The following CMSS1 variants were observed in gnomAD, a reference collection of about 807,000 sequenced individuals.
CMSS1 encodes the protein cms1 ribosomal small subunit homolog, also known as protein CMSS1.
CMSS1 carries 33 observed loss-of-function variants against 43.5 expected under a neutral mutation model. That is an observed-to-expected ratio of 0.76 (90% CI 0.57 to 1.01). CMSS1 has a LOEUF of 1.01. Among genes scored for constraint, CMSS1 ranks in the 50% least tolerant of loss-of-function variants. CMSS1 has a pLI of 0.00. For synonymous variants in CMSS1, 115 were observed against 117.2 expected (o/e 0.98, Z 0.12); for missense variants, 313 against 326.4 (o/e 0.96, Z 0.32).
intron 1 of CMSS1, among the ~76,000 whole-genome samples, chr3:99,932,544 T>G (rs577934937): frequency 1.3e-5 from 2 of 152,310 alleles, no homozygotes; most frequent in East Asian, 3.9e-4. Context: ...TTTTTTCCCT[T>G]GTGTTAGGTG....
chr3:100,153,014 A>G (rs1003876098), intron 2 of CMSS1, among the ~76,000 whole-genome samples: 13 of 152,242 alleles, frequency 8.5e-5, no homozygotes, highest in Non-Finnish European at 1.9e-4. Context: ...AATGTTTAAT[A>G]TTTATCTTAA....
chr3:100,138,947 G>T (rs1284335769), intron 1 of CMSS1, among the ~76,000 whole-genome samples: 1 of 152,132 alleles, frequency 6.6e-6, no homozygotes, highest in African/African-American at 2.4e-5. Context: ...CAACCCAAAT[G>T]CCCATTGATG....
intron 1 of CMSS1, among the ~76,000 whole-genome samples, chr3:100,014,895 C>CTTT (rs1233573719): frequency 2.4e-3 from 61 of 25,012 alleles, no homozygotes; most frequent in Middle Eastern, 0.038. Flanking sequence ...TTCTTTCTTT[C>CTTT]TTTTTTTTTT....
At chr3:100,085,091 G>A (rs189359489) in intron 1 of CMSS1, among the ~76,000 whole-genome samples, 2 of 152,276 alleles carry the variant, frequency 1.3e-5, no homozygotes, top group Non-Finnish European at 2.9e-5. Context: ...CCCCTAAAGT[G>A]GTGGTTTCCA....
intron 1 of CMSS1, among the ~76,000 whole-genome samples, chr3:99,984,041 G>A (rs918228945): frequency 6.3e-4 from 10 of 15,928 alleles, no homozygotes; most frequent in African/African-American, 3.5e-3. Context: ...CATGAAAAAG[G>A]ATGTATATGT....
rs6808420 is a variant in CMSS1, at chr3:99,882,073, A to T, written c.64+64030A>T. Among the ~76,000 whole-genome samples the T allele has an allele frequency of 4.5e-3, 689 of 152,320 alleles. 7 individuals carry two copies. Among genetic ancestry groups the T allele is most frequent in the African/African-American group, 0.016 (675 of 41,562 alleles). ...TTATATGTTTTCTTTTATCTTTGGA[A>T]CTCAAATAGAGCAATTCCTGAGCAT... On this transcript the variant is annotated intron_variant, in intron 1 of 9. Transcript: ENST00000421999.
At chr3:99,988,511 C>CAAAAAAAAAAA (rs757175318) in intron 1 of CMSS1, among the ~76,000 whole-genome samples, 4 of 47,796 alleles carry the variant, frequency 8.4e-5, no homozygotes, top group Admixed American at 2.9e-4. Context: ...GACTCCATCT[C>CAAAAAAAAAAA]AAAAAAAAAA....
intron 1 of CMSS1, among the ~76,000 whole-genome samples, chr3:100,077,619 T>G (rs1047623357): frequency 6.6e-6 from 1 of 152,006 alleles, no homozygotes; most frequent in Non-Finnish European, 1.5e-5. Context: ...TGAGATAAAT[T>G]CAGTAAAAAT....
intron 1 of CMSS1, among the ~76,000 whole-genome samples, chr3:100,024,821 A>G (rs2064889215): frequency 1.3e-5 from 2 of 152,140 alleles, no homozygotes; most frequent in South Asian, 2.1e-4. Context: ...GAGGGGGTCC[A>G]GGGTGGTTAC....
chr3:99,897,972 A>G (rs1706312979), intron 1 of CMSS1, among the ~76,000 whole-genome samples: 1 of 152,212 alleles, frequency 6.6e-6, no homozygotes. Flanking sequence ...AAGAAAAGAT[A>G]TCCTACCTCC....
In CMSS1 at chr3:99,985,169, C is replaced by G. The variant is rs144109412; in HGVS notation, c.65-161804C>G. Among the ~76,000 whole-genome samples the G allele has an allele frequency of 4.5e-3, 687 of 152,106 alleles. 7 individuals carry two copies. Among genetic ancestry groups the G allele is most frequent in the African/African-American group, 0.016 (673 of 41,490 alleles). ...AAGAGAAGATTGAACAAAAAATCAT[C>G]CTAGGGGGTCAAAGGTTGTTTTAAA... On this transcript the variant is annotated intron_variant, in intron 1 of 9. Transcript: ENST00000421999.
At chr3:99,982,862 A>T (rs146904196) in intron 1 of CMSS1, among the ~76,000 whole-genome samples, 1 of 152,232 alleles carries the variant, frequency 6.6e-6, no homozygotes, top group African/African-American at 2.4e-5. Context: ...TAAAAAATAA[A>T]TAAATTCATA....
In CMSS1 at chr3:99,996,727, C is replaced by T. The variant is rs140653953; in HGVS notation, c.65-150246C>T. Reference sequence around the variant, plus strand: ...TGAGGAAGATGCAAAAGCGGAAACTCCTGATAAAACCATCAGATCTCGTGA... The same window carrying T: ...TGAGGAAGATGCAAAAGCGGAAACTTCTGATAAAACCATCAGATCTCGTGA... On this transcript the variant is annotated intron_variant, in intron 1 of 9. Coordinates refer to ENST00000421999, the MANE Select transcript of CMSS1 (RefSeq NM_032359.4). Among the ~76,000 whole-genome samples the T allele has an allele frequency of 7.3e-3, 1,104 of 152,034 alleles. 19 individuals carry two copies. The highest frequency in any genetic ancestry group is 0.025 in the African/African-American group (1,017 of 41,464).
chr3:100,062,294 G>A (rs2065586318), intron 1 of CMSS1, among the ~76,000 whole-genome samples: 2 of 151,344 alleles, frequency 1.3e-5, no homozygotes, highest in African/African-American at 4.9e-5. Context: ...TGTATTTTTA[G>A]TGGAGACGAG....
In CMSS1 at chr3:100,160,499, A is replaced by G. The variant is rs771322482; in HGVS notation, c.223A>G (p.Lys75Glu). 1 of 1,431,840 alleles carries G rather than the reference A, an allele frequency of 7.0e-7. No individual in the cohort carries two copies. Among genetic ancestry groups the G allele is most frequent in the Non-Finnish European group, 9.8e-7 (1 of 1,022,570 alleles). The allele number at this position is 1,431,840 out of a possible 1,614,324, so 88.7% of individuals were successfully genotyped here. Residue 75 changes from lysine to glutamate, a missense_variant and splice_region_variant, in exon 3 of 10, where the codon AAG (lysine) becomes GAG (glutamate). Lys to Glu is a moderately conservative substitution (Grantham distance 56). Coordinates refer to ENST00000421999, the MANE Select transcript of CMSS1 (RefSeq NM_032359.4). ...TACCACCAAGACCAGGAAAAGAAGA[A>G]AGGTAATATTAATAATTTCTTAAAT... ...ENTTKTRKRR[K>E]KKITDVLAKS...
chr3:99,848,926 A>T, intron 1 of CMSS1: 2 of 1,614,106 alleles, frequency 1.2e-6, no homozygotes, highest in Non-Finnish European at 1.7e-6. Context: ...TGTGATTTCA[A>T]GAGTGGCTGT....
chr3:100,050,598 C>A (rs1386193721), intron 1 of CMSS1, among the ~76,000 whole-genome samples: 2 of 152,160 alleles, frequency 1.3e-5, no homozygotes, highest in African/African-American at 4.8e-5. Flanking sequence ...GTGGTACAAT[C>A]TCTGCTCACT....
At chr3:100,158,654 T>C (rs2066996690) in intron 2 of CMSS1, among the ~76,000 whole-genome samples, 1 of 152,246 alleles carries the variant, frequency 6.6e-6, no homozygotes, top group Non-Finnish European at 1.5e-5. Flanking sequence ...GATGTAAGAA[T>C]TTGAACCTAT....
rs541711049 is a variant in CMSS1, at chr3:100,175,852, A to G, written c.668-475A>G. 2.6e-5 allele frequency among the ~76,000 whole-genome samples: 4 copies of G among 152,322 alleles called. No individual in the cohort carries two copies. In the East Asian group the frequency reaches 7.7e-4, roughly 29 times the overall value. ...CAACCTCATCGAAGGATAGCTGAAT[A>G]GAGCCTATTCATCTCAACTTCCTTT... On this transcript the variant is annotated intron_variant, in intron 8 of 9. Coordinates refer to ENST00000421999, the MANE Select transcript of CMSS1 (RefSeq NM_032359.4).
Sources: gnomAD v4.1 joint callset for allele counts (sites outside exome capture counted in the v4.1 genomes callset) on GRCh38, gnomAD v4.1.1 for gene constraint, MANE v1.5 for transcripts, NCBI Gene and HGNC (gene_info 2026-07-23, HGNC 2026-07-21) for gene names.